Variants in GBP5 observed in about 807,000 individuals in gnomAD.
GBP5 encodes the protein guanylate-binding protein 5.
A neutral mutation model predicts 58.2 loss-of-function variants in GBP5; 48 were observed. The ratio of observed to expected loss-of-function variants is 0.83; its 90% CI spans 0.65 to 1.05. GBP5 has a LOEUF of 1.05. Among genes scored for constraint, GBP5 ranks in the 50% least tolerant of loss-of-function variants. The pLI, the probability that GBP5 is intolerant of heterozygous loss-of-function variation, is 0.00. For missense variants in GBP5, 714 were observed against 686.8 expected (o/e 1.04, Z -0.44); for synonymous variants, 248 against 251.8 (o/e 0.98, Z 0.14).
Position 89,260,435 on chromosome 1 carries a change from C to A in GBP5, c.*269G>T. 7.0e-6 allele frequency: 2 copies of A among 284,084 alleles called. No individual in the cohort carries two copies. Among genetic ancestry groups the A allele is most frequent in the Non-Finnish European group, 6.7e-6 (1 of 149,120 alleles). 17.6% of individuals were successfully genotyped at this position (284,084 alleles called of 1,614,324 possible). A position where few individuals can be genotyped will look rare whatever the true frequency, so the allele number is the denominator to read the frequency against. The stretch of plus-strand genomic sequence containing the variant: ...AAAGCATCTCCTGATGAAACCATCC[C>A]AATATCACGCATAAATGAAGGCAGT... On this transcript the variant is annotated 3_prime_UTR_variant, in exon 12 of 12. Transcript: ENST00000370459.
rs548735461 is a variant in GBP5 at position 89,262,349 on chromosome 1, C to A, written c.1518G>T (p.Ala506=). Residue 506 remains alanine (A), a synonymous_variant, in exon 11 of 12, where the codon GCG becomes GCT. Transcript: ENST00000370459. ...AEKAEAQRLA[A]IQRQNEQMMQ... ...TCATTTGCTCGTTCTGCCTTTGAAT[C>A]GCCGCCAACCTTTGCGCTTCAGCCT... The A allele has an allele frequency of 1.2e-6, 2 of 1,614,088 alleles. No individual in the cohort carries two copies. Among genetic ancestry groups the A allele is most frequent in the Middle Eastern group, 1.6e-4 (1 of 6,062 alleles).
chr1:89,267,571 G>C (rs367622685), intron 4 of GBP5, 45 bp from the exon 5 acceptor site: 2 of 1,158,526 alleles, frequency 1.7e-6, no homozygotes, highest in Non-Finnish European at 2.6e-6. Flanking sequence ...GGGATTCCCA[G>C]ATGAGCGATA....
At chr1:89,266,671 C>G (rs1473679395) in intron 6 of GBP5, 83 bp from the exon 7 acceptor site, 1 of 1,242,074 alleles carries the variant, frequency 8.1e-7, no homozygotes, top group Non-Finnish European at 1.1e-6. Flanking sequence ...GTCCTTCCAC[C>G]TGATGTCACT....
chr1:89,269,196 G>A (rs1297665900), intron 3 of GBP5, among the ~76,000 whole-genome samples, 170 bp downstream of exon 3: 2 of 152,032 alleles, frequency 1.3e-5, no homozygotes, highest in African/African-American at 4.8e-5. Flanking sequence ...GATATGTCAG[G>A]AACAGAGAAC....
Position 89,262,723 on chromosome 1 carries a change from C to A in GBP5, c.1425G>T (p.Gln475His). 6.2e-7 allele frequency: 1 copy of A among 1,605,894 alleles called. No homozygotes were observed. Among genetic ancestry groups the A allele is most frequent in the South Asian group, 1.1e-5 (1 of 90,200 alleles). The change falls in exon 10 of 12, where the codon CAG (glutamine) becomes CAT (histidine). Residue 475 changes from glutamine to histidine, a missense_variant. Coordinates refer to ENST00000370459, the MANE Select transcript of GBP5 (RefSeq NM_052942.5). Reference sequence around the variant, plus strand: ...CCGTCTCTGTGAGAGCCTGGTCAGTCTGTAATATTGCATGACTCACAGACT... The same window carrying A: ...CCGTCTCTGTGAGAGCCTGGTCAGTATGTAATATTGCATGACTCACAGACT... ...SKESVSHAIL[Q>H]TDQALTETEK... is the part of the protein sequence containing the mutation.
In GBP5 at chr1:89,272,855, C is replaced by T. The variant is rs1340760969; in HGVS notation, c.-531G>A. 6.6e-6 allele frequency: 1 copy of T among 152,658 alleles called. No homozygotes were observed. The highest frequency in any genetic ancestry group is 1.9e-4 in the East Asian group (1 of 5,206). 9.5% of individuals were successfully genotyped at this position (152,658 alleles called of 1,614,324 possible). A position where few individuals can be genotyped will look rare whatever the true frequency, so the allele number is the denominator to read the frequency against. On this transcript the variant is annotated 5_prime_UTR_variant, in exon 1 of 12. Coordinates refer to ENST00000370459, the MANE Select transcript of GBP5 (RefSeq NM_052942.5). The stretch of plus-strand genomic sequence containing the variant: ...AAGGTTCCACAGCCTGGAGGGTGAC[C>T]TCAGTGGGTTGCCACTGCTGGCTAC...
rs1007733751 is a variant in GBP5, at chr1:89,258,108, A to T, written c.*2596T>A. ...TGACAGATCTCTAACCTGTGAGATC[A>T]GAGTATTTGGGGATGAGTGGGATCC... is the stretch of plus-strand genomic sequence containing the variant. On this transcript the variant is annotated 3_prime_UTR_variant, in exon 12 of 12. Coordinates refer to ENST00000370459, the MANE Select transcript of GBP5 (RefSeq NM_052942.5). Among the ~76,000 whole-genome samples, 1 of 152,300 alleles carries T rather than the reference A, an allele frequency of 6.6e-6. No individual in the cohort carries two copies. Among genetic ancestry groups the T allele is most frequent in the Non-Finnish European group, 1.5e-5 (1 of 68,024 alleles).
At chr1:89,268,885 G>T in intron 3 of GBP5, 29 bp from the exon 4 acceptor site, 1 of 1,603,226 alleles carries the variant, frequency 6.2e-7, no homozygotes, top group Non-Finnish European at 8.5e-7. Context: ...GGTTGTAATA[G>T]AAGAGAAACT....
intron 8 of GBP5, among the ~76,000 whole-genome samples, chr1:89,264,391 A>T (rs1650125878): frequency 6.6e-6 from 1 of 152,252 alleles, no homozygotes; most frequent in Non-Finnish European, 1.5e-5. Flanking sequence ...TGCTTAATAA[A>T]AAAGAAAATT....
At chr1:89,263,516 A>T (rs1489096457) in intron 9 of GBP5, 1 of 451,508 alleles carries the variant, frequency 2.2e-6, no homozygotes, top group Admixed American at 3.5e-5. Context: ...GTGATGGTTC[A>T]GTTTAACCCC....
chr1:89,267,193 C>T, intron 5 of GBP5, 40 bp from the exon 6 acceptor site: 1 of 1,468,732 alleles, frequency 6.8e-7, no homozygotes, highest in Non-Finnish European at 9.3e-7. Flanking sequence ...AATAGGACCA[C>T]ATCTAAACCC....
At chr1:89,266,860 T>C in intron 6 of GBP5, 97 bp downstream of exon 6, 1 of 776,228 alleles carries the variant, frequency 1.3e-6, no homozygotes, top group South Asian at 1.9e-5. Flanking sequence ...TGAATATATA[T>C]ATATATAGAA....
rs918049699 is a variant in GBP5, at chr1:89,261,711, C to T, written c.1647+509G>A. Among the ~76,000 whole-genome samples, 22 of 151,956 alleles carry T rather than the reference C, an allele frequency of 1.4e-4. 1 individual carries two copies. Among genetic ancestry groups the T allele is most frequent in the African/African-American group, 4.6e-4 (19 of 41,342 alleles). On this transcript the variant is annotated intron_variant, in intron 11 of 11. Transcript: ENST00000370459. The stretch of plus-strand genomic sequence containing the variant: ...TGATTGGTAAATAAAAGTAAAGGAC[C>T]GGATGAAACAAACTGGCAAATTAAA...
In GBP5 at chr1:89,259,505, C is replaced by T. The variant is rs1649913898; in HGVS notation, c.*1199G>A. The stretch of plus-strand genomic sequence containing the variant: ...GTTTCCACTTTACCATTGGTACTTC[C>T]CTCTGATGGCATCCAGCACACGACC... On this transcript the variant is annotated 3_prime_UTR_variant, in exon 12 of 12. Transcript: ENST00000370459. The T allele has an allele frequency of 6.6e-6, 1 of 152,234 alleles. No individual in the cohort carries two copies. The highest frequency in any genetic ancestry group is 6.5e-5 in the Admixed American group (1 of 15,280). 9.4% of individuals were successfully genotyped at this position (152,234 alleles called of 1,614,324 possible).
At position 89,261,978 on chromosome 1, in the gene GBP5, C is replaced by A. The variant is rs1227502225; in HGVS notation, c.1647+242G>T. On this transcript the variant is annotated intron_variant, in intron 11 of 11. Transcript: ENST00000370459. ...TTAACTCATTTAATTATCAAAATAA[C>A]CCTATAACATAGATATCATCACTGT... 1.4e-5 allele frequency: 7 copies of A among 496,534 alleles called. No individual in the cohort carries two copies. In the South Asian group the frequency reaches 2.4e-4, roughly 17 times the overall value. 30.8% of individuals were successfully genotyped at this position (496,534 alleles called of 1,614,324 possible).
rs933405906 is a variant in GBP5 at position 89,259,224 on chromosome 1, T to C, written c.*1480A>G. On this transcript the variant is annotated 3_prime_UTR_variant, in exon 12 of 12. Transcript: ENST00000370459. ...AAGTCCAATATAAATTGTGTTCAGG[T>C]TATAAAATGCCCTATTTAAGTTGTG... The C allele has an allele frequency of 1.3e-5, 2 of 152,188 alleles. No homozygotes were observed. Among genetic ancestry groups the C allele is most frequent in the Non-Finnish European group, 2.9e-5 (2 of 68,032 alleles). 9.4% of individuals were successfully genotyped at this position (152,188 alleles called of 1,614,324 possible).
intron 1 of GBP5, chr1:89,271,706 G>T (rs1266808164): frequency 6.6e-6 from 1 of 152,212 alleles, no homozygotes; most frequent in Admixed American, 6.5e-5. Context: ...AGTACAAAAT[G>T]CTTGAAGTAT....
chr1:89,268,864 G>C lies in GBP5; in HGVS notation c.191-8C>G. On this transcript the variant is annotated splice_region_variant and splice_polypyrimidine_tract_variant and intron_variant, in intron 3 of 11. Transcript: ENST00000370459. ...TAGATGCAACAGAGAAGCCTGTCAG[G>C]GGGAGTGAGAGGTTGTAATAGAAGA... 1 of 1,613,172 alleles carries C rather than the reference G, an allele frequency of 6.2e-7. No homozygotes were observed.
chr1:89,263,980 G>T, intron 8 of GBP5, 32 bp from the exon 9 acceptor site: 1 of 1,240,726 alleles, frequency 8.1e-7, no homozygotes, highest in Non-Finnish European at 1.2e-6. Context: ...TGGAAAAGAT[G>T]TTAGCAATAC....
Sources: gnomAD v4.1 joint callset for allele counts (sites outside exome capture counted in the v4.1 genomes callset) on GRCh38, gnomAD v4.1.1 for gene constraint, MANE v1.5 for transcripts, NCBI Gene and HGNC (gene_info 2026-07-23, HGNC 2026-07-21) for gene names.